WIPF2: variants seen among roughly 807,000 people sequenced by gnomAD.
WIPF2 encodes WAS/WASL-interacting protein family member 2.
Under a neutral mutation model 38.8 loss-of-function variants are expected in WIPF2, and 23 were observed. That is an observed-to-expected ratio of 0.59 (90% CI 0.43 to 0.84). The LOEUF (loss-of-function observed/expected upper bound fraction) is 0.84, where lower values mean the gene tolerates loss of function less well. Ranked by LOEUF, WIPF2 falls within the 40% of genes least tolerant of loss-of-function variation. The pLI, the probability that WIPF2 is intolerant of heterozygous loss-of-function variation, is 0.00. For missense variants in WIPF2, 574 were observed against 580.5 expected (o/e 0.99, Z 0.11); for synonymous variants, 210 against 223.2 (o/e 0.94, Z 0.53).
chr17:40,247,947 C>A (rs1223066029), intron 1 of WIPF2, among the ~76,000 whole-genome samples: 6 of 152,102 alleles, frequency 3.9e-5, no homozygotes, highest in Admixed American at 3.3e-4. Flanking sequence ...CCTACCCATT[C>A]AATTTTTACT....
At chr17:40,259,964 G>T (rs773469005) in intron 2 of WIPF2, among the ~76,000 whole-genome samples, 2 of 152,098 alleles carry the variant, frequency 1.3e-5, no homozygotes, top group Non-Finnish European at 2.9e-5. Context: ...CTAGCACAAA[G>T]ATAACTAAGT....
At chr17:40,220,613 A>ATG (rs1260630534) in intron 1 of WIPF2, 30 of 81,854 alleles carry the variant, frequency 3.7e-4, no homozygotes, top group Non-Finnish European at 5.1e-4. Flanking sequence ...ATATATATAT[A>ATG]TATATGTATA....
intron 5 of WIPF2, among the ~76,000 whole-genome samples, chr17:40,272,308 C>T (rs775662900): frequency 1.4e-4 from 21 of 152,074 alleles, no homozygotes; most frequent in African/African-American, 2.7e-4. Context: ...CGTGAGCCAC[C>T]GTGCCTGGCA....
chr17:40,262,099 CA>C (rs1380987054), intron 3 of WIPF2, among the ~76,000 whole-genome samples: 2 of 124,910 alleles, frequency 1.6e-5, no homozygotes, highest in African/African-American at 6.1e-5. Context: ...TTTTTTGAAA[CA>C]GGGTCTTGCT....
At chr17:40,263,106 T>G (rs1018816623) in intron 4 of WIPF2, among the ~76,000 whole-genome samples, 26 of 152,074 alleles carry the variant, frequency 1.7e-4, no homozygotes, top group African/African-American at 6.0e-4. Context: ...GGGTACAAAG[T>G]TTCAGTTAGA....
chr17:40,256,747 CAT>C (rs761951125), intron 2 of WIPF2, among the ~76,000 whole-genome samples: 2 of 152,086 alleles, frequency 1.3e-5, no homozygotes, highest in East Asian at 1.9e-4. Flanking sequence ...TAATCAATGA[CAT>C]GTGGTATAGG....
chr17:40,224,524 G>C (rs950948612), intron 1 of WIPF2, among the ~76,000 whole-genome samples: 2 of 151,586 alleles, frequency 1.3e-5, no homozygotes, highest in Non-Finnish European at 2.9e-5. Flanking sequence ...GAAATTACGG[G>C]CGTGAGCCAC....
intron 2 of WIPF2, among the ~76,000 whole-genome samples, chr17:40,259,436 TA>T (rs879789712): frequency 4.0e-3 from 526 of 132,138 alleles, no homozygotes; most frequent in Admixed American, 3.9e-3. Context: ...GACTCTGTCT[TA>T]AAAAAAAAAA....
At chr17:40,275,378 A>G (rs920400356) in intron 6 of WIPF2, among the ~76,000 whole-genome samples, 1 of 152,120 alleles carries the variant, frequency 6.6e-6, no homozygotes, top group Non-Finnish European at 1.5e-5. Flanking sequence ...TAGGTTGACT[A>G]GATCAGAAGT....
intron 4 of WIPF2, among the ~76,000 whole-genome samples, chr17:40,264,267 A>G (rs1292639691): frequency 1.5e-5 from 2 of 135,884 alleles, no homozygotes; most frequent in Non-Finnish European, 3.1e-5. Context: ...CAGAGGTTGC[A>G]GTGAGCTGAG....
At chr17:40,262,864 C>G (rs1239328708) in intron 4 of WIPF2, among the ~76,000 whole-genome samples, 1 of 152,182 alleles carries the variant, frequency 6.6e-6, no homozygotes, top group Non-Finnish European at 1.5e-5. Flanking sequence ...GAATACTATT[C>G]AGCCTTAGGC....
Position 40,267,180 on chromosome 17 carries a change from CAT to C in WIPF2, c.970+2035_970+2036del, listed in dbSNP as rs111416010. Among the ~76,000 whole-genome samples the C allele has an allele frequency of 3.4e-3, 514 of 152,166 alleles. 2 individuals are homozygous for C. The highest frequency in any genetic ancestry group is 4.0e-3 in the Non-Finnish European group (269 of 68,004). On this transcript the variant is annotated intron_variant, in intron 5 of 7. Transcript: ENST00000323571. ...CATTTCATGTGAGATTAATTAGTCT[CAT>C]GTGTTCAGTTGTGATTTGCAGGTAC...
rs557177297 is a variant in WIPF2 at position 40,223,978 on chromosome 17, CTG to C, written c.-70+4489_-70+4490del. On this transcript the variant is annotated intron_variant, in intron 1 of 7. Coordinates refer to ENST00000323571, the MANE Select transcript of WIPF2 (RefSeq NM_133264.5). ...AGTCTGTTTTCCTGCTCTGAAATAACTGTGAAATTCATGGGCTCTTGGTTCAG... is the reference window on the plus strand; with the variant it reads ...AGTCTGTTTTCCTGCTCTGAAATAACTGAAATTCATGGGCTCTTGGTTCAG... 1.9e-4 allele frequency among the ~76,000 whole-genome samples: 29 copies of C among 151,988 alleles called. No individual in the cohort carries two copies. In the East Asian group the frequency reaches 5.6e-3, roughly 29 times the overall value.
Position 40,265,149 on chromosome 17 carries a change from A to G in WIPF2, c.970+3A>G. On this transcript the variant is annotated splice_donor_region_variant and intron_variant, in intron 5 of 7. Coordinates refer to ENST00000323571, the MANE Select transcript of WIPF2 (RefSeq NM_133264.5). Reference sequence around the variant, plus strand: ...AGACCCTCCCAGTCGGGGAGCAGGTAAGTGCTTGGAAGCACCTTTTTCCCT... The same window carrying G: ...AGACCCTCCCAGTCGGGGAGCAGGTGAGTGCTTGGAAGCACCTTTTTCCCT... The G allele has an allele frequency of 6.3e-7, 1 of 1,588,632 alleles. No homozygotes were observed. Among genetic ancestry groups the G allele is most frequent in the Non-Finnish European group, 8.6e-7 (1 of 1,167,424 alleles).
intron 3 of WIPF2, 169 bp downstream of exon 3, chr17:40,260,836 T>C: frequency 1.1e-6 from 1 of 910,594 alleles, no homozygotes; most frequent in Non-Finnish European, 1.7e-6. Context: ...TCTTCTTGAC[T>C]CTTGGAGAGC....
In WIPF2 at chr17:40,264,569, C is replaced by T. The variant is rs147624680; in HGVS notation, c.393C>T (p.Ser131=). 38 of 1,614,014 alleles carry T rather than the reference C, an allele frequency of 2.4e-5. No individual in the cohort carries two copies. In the African/African-American group the frequency reaches 2.9e-4, roughly 12 times the overall value. The change falls in exon 5 of 8, where the codon AGC becomes AGT. Residue 131 remains serine (S), a synonymous_variant. Transcript: ENST00000323571. ...AAPRPPVSAA[S]GRPQDDTDSS... ...CAAGGCCTCCAGTATCTGCCGCCAG[C>T]GGGCGTCCTCAGGATGATACAGACA... is the stretch of plus-strand genomic sequence containing the variant.
chr17:40,269,432 G>T (rs920530419), intron 5 of WIPF2, among the ~76,000 whole-genome samples: 2 of 151,156 alleles, frequency 1.3e-5, no homozygotes, highest in Non-Finnish European at 3.0e-5. Flanking sequence ...GATCACTTGA[G>T]CCCAGGAGGC....
At chr17:40,224,406 A>ATTTTTTTTTTT (rs67838907) in intron 1 of WIPF2, among the ~76,000 whole-genome samples, 5 of 89,134 alleles carry the variant, frequency 5.6e-5, no homozygotes, top group African/African-American at 1.6e-4. Flanking sequence ...GATTTTTTGT[A>ATTTTTTTTTTT]TTTTTTTTTT....
At chr17:40,238,636 A>G (rs1250653779) in intron 1 of WIPF2, among the ~76,000 whole-genome samples, 1 of 149,876 alleles carries the variant, frequency 6.7e-6, no homozygotes, top group East Asian at 2.0e-4. Flanking sequence ...TTTTTGAGAC[A>G]GAATCTCACT....
Sources: gnomAD v4.1 joint callset for allele counts (sites outside exome capture counted in the v4.1 genomes callset) on GRCh38, gnomAD v4.1.1 for gene constraint, MANE v1.5 for transcripts, NCBI Gene and HGNC (gene_info 2026-07-23, HGNC 2026-07-21) for gene names.